Variants in HSF2BP observed in about 807,000 individuals in gnomAD.
HSF2BP encodes the protein heat shock factor 2-binding protein.
A neutral mutation model predicts 35.0 loss-of-function variants in HSF2BP; 35 were observed. That is an observed-to-expected ratio of 1.00 (90% CI 0.76 to 1.32). HSF2BP has a LOEUF of 1.32. Ranked by LOEUF, HSF2BP falls within the 40% of genes most tolerant of loss-of-function variation. HSF2BP has a pLI of 0.00. For missense variants in HSF2BP, 326 were observed against 321.7 expected (o/e 1.01, Z -0.10); for synonymous variants, 114 against 117.4 (o/e 0.97, Z 0.18).
At position 43,644,342 on chromosome 21, in the gene HSF2BP, G is replaced by A; in HGVS notation, c.238C>T (p.His80Tyr). ...ELEQLKMDCE[H>Y]FKARLETVQA... ...ACGGTTTCCAGGCGGGCTTTAAAGTGCTCACAATCCATTTTCAGCTGCTCT... is the reference window on the plus strand; with the variant it reads ...ACGGTTTCCAGGCGGGCTTTAAAGTACTCACAATCCATTTTCAGCTGCTCT... The change falls in exon 4 of 9, where the codon CAC becomes TAC. Residue 80 changes from histidine (H) to tyrosine (Y), a missense_variant. Transcript: ENST00000291560. 6.2e-7 allele frequency: 1 copy of A among 1,614,094 alleles called. No homozygotes were observed. The highest frequency in any genetic ancestry group is 8.5e-7 in the Non-Finnish European group (1 of 1,179,984).
chr21:43,608,786 A>AC (rs1324692780), intron 7 of HSF2BP, among the ~76,000 whole-genome samples: 1 of 151,424 alleles, frequency 6.6e-6, no homozygotes, highest in African/African-American at 2.4e-5. Flanking sequence ...AGAAAGTGAG[A>AC]CCCCTATCGC....
chr21:43,647,312 C>T (rs1601723437), intron 3 of HSF2BP, among the ~76,000 whole-genome samples: 2 of 152,204 alleles, frequency 1.3e-5, no homozygotes, highest in African/African-American at 2.4e-5. Context: ...CTGCAACCAA[C>T]GCCTCCCAGG....
chr21:43,605,572 CA>C (rs1204768627), intron 7 of HSF2BP, among the ~76,000 whole-genome samples: 6 of 149,942 alleles, frequency 4.0e-5, no homozygotes, highest in Non-Finnish European at 7.4e-5. Flanking sequence ...ACACCACAAA[CA>C]TCCCCCAACA....
intron 7 of HSF2BP, among the ~76,000 whole-genome samples, chr21:43,600,590 C>A (rs933604104): frequency 6.6e-6 from 1 of 152,202 alleles, no homozygotes; most frequent in African/African-American, 2.4e-5. Context: ...AATGACTTAA[C>A]AGACTTTAGA....
chr21:43,582,586 T>C (rs2081771436), intron 8 of HSF2BP, among the ~76,000 whole-genome samples: 1 of 56,620 alleles, frequency 1.8e-5, no homozygotes, highest in Non-Finnish European at 3.3e-5. Flanking sequence ...GATGAAGGCC[T>C]GCTGAAGGAG....
chr21:43,596,243 C>A (rs1313139148), intron 7 of HSF2BP, among the ~76,000 whole-genome samples: 1 of 152,038 alleles, frequency 6.6e-6, no homozygotes, highest in Non-Finnish European at 1.5e-5. Context: ...AGTTAAAAAT[C>A]ATTTTTTAAG....
At chr21:43,613,496 T>C (rs1461090640) in intron 7 of HSF2BP, among the ~76,000 whole-genome samples, 1 of 152,214 alleles carries the variant, frequency 6.6e-6, no homozygotes, top group Non-Finnish European at 1.5e-5. Flanking sequence ...ACCAAGTTGG[T>C]GATAATTTGT....
chr21:43,590,775 T>C (rs1174167400), intron 8 of HSF2BP, among the ~76,000 whole-genome samples: 1 of 152,170 alleles, frequency 6.6e-6, no homozygotes, highest in African/African-American at 2.4e-5. Context: ...ATGATTCCAC[T>C]TATATAAAAT....
intron 6 of HSF2BP, among the ~76,000 whole-genome samples, chr21:43,627,394 C>T (rs1489576792): frequency 6.6e-6 from 1 of 152,182 alleles, no homozygotes; most frequent in Non-Finnish European, 1.5e-5. Context: ...GCTAGCCAGA[C>T]AGTAAAATTA....
chr21:43,633,298 C>T lies in HSF2BP; in HGVS notation c.415G>A (p.Glu139Lys). 3 of 1,613,302 alleles carry T rather than the reference C, an allele frequency of 1.9e-6. No homozygotes were observed. The highest frequency in any genetic ancestry group is 2.5e-6 in the Non-Finnish European group (3 of 1,179,816). ...CCTCCCAAAATGGCCTTGACGACTT[C>T]CTCACTGCTGGAGACACCCCACAAG... Reference protein sequence around the residue: ...TLLWGVSSSEEVVKAILGGDK... With the variant: ...TLLWGVSSSEKVVKAILGGDK... The change falls in exon 5 of 9, where the codon GAA becomes AAA. Residue 139 changes from glutamate to lysine, a missense_variant. By Grantham distance (56) the Glu-to-Lys change is moderately conservative (BLOSUM62 1). Coordinates refer to ENST00000291560, the MANE Select transcript of HSF2BP (RefSeq NM_007031.2).
At chr21:43,657,886 C>T (rs1008022081) in intron 2 of HSF2BP, 175 bp downstream of exon 2, 8 of 985,358 alleles carry the variant, frequency 8.1e-6, no homozygotes, top group South Asian at 4.7e-5. Context: ...AGTCGCCTCC[C>T]GCCCCAGGTC....
rs561952915 is a variant in HSF2BP, at chr21:43,645,710, C to T, written c.188-1318G>A. On this transcript the variant is annotated intron_variant, in intron 3 of 8. Transcript: ENST00000291560. Reference sequence around the variant, plus strand: ...CAGGCGCCTGGAAAACGGAACATTACTCCACCCTAGAGGAGAAAAAGCTCA... The same window carrying T: ...CAGGCGCCTGGAAAACGGAACATTATTCCACCCTAGAGGAGAAAAAGCTCA... 3.3e-5 allele frequency among the ~76,000 whole-genome samples: 5 copies of T among 152,256 alleles called. No individual in the cohort carries two copies. In the East Asian group the frequency reaches 9.6e-4, roughly 29 times the overall value.
intron 8 of HSF2BP, among the ~76,000 whole-genome samples, chr21:43,579,741 T>C (rs1330241638): frequency 6.6e-6 from 1 of 152,224 alleles, no homozygotes; most frequent in Non-Finnish European, 1.5e-5. Context: ...TGTTGCCAAA[T>C]GCTTCTCTTC....
intron 6 of HSF2BP, among the ~76,000 whole-genome samples, chr21:43,630,063 G>C (rs74901452): frequency 0.013 from 1,968 of 152,274 alleles, 42 homozygotes; most frequent in African/African-American, 0.044. Context: ...CCCTCTACCA[G>C]CAAAAAATTG....
At position 43,630,441 on chromosome 21, in the gene HSF2BP, T is replaced by C. The variant is rs1319420410; in HGVS notation, c.455A>G (p.Lys152Arg). Residue 152 changes from lysine to arginine, a missense_variant, in exon 6 of 9, where the codon AAG (lysine) becomes AGG (arginine). Physicochemically the swap from Lys to Arg is conservative, Grantham distance 26 (BLOSUM62 2). Transcript: ENST00000291560. ...TGTTTGACCAGTGATGCTGAAAAACTTCAAAGCTTTATCCTGAAAGTTTGA... is the reference window on the plus strand; with the variant it reads ...TGTTTGACCAGTGATGCTGAAAAACCTCAAAGCTTTATCCTGAAAGTTTGA... ...KAILGGDKAL[K>R]FFSITGQTME... is the part of the protein sequence containing the mutation. The C allele has an allele frequency of 8.7e-6, 14 of 1,611,764 alleles. No individual in the cohort carries two copies. The highest frequency in any genetic ancestry group is 8.5e-6 in the Non-Finnish European group (10 of 1,179,328).
At chr21:43,633,165 A>C in intron 5 of HSF2BP, 107 bp downstream of exon 5, 1 of 1,237,302 alleles carries the variant, frequency 8.1e-7, no homozygotes, top group South Asian at 1.7e-5. Flanking sequence ...GAACAAAAGA[A>C]AATGGAAAGA....
intron 7 of HSF2BP, among the ~76,000 whole-genome samples, chr21:43,608,787 C>G (rs1159102172): frequency 6.6e-6 from 1 of 151,862 alleles, no homozygotes; most frequent in Non-Finnish European, 1.5e-5. Context: ...GAAAGTGAGA[C>G]CCCTATCGCT....
chr21:43,657,521 G>T (rs935234154), intron 2 of HSF2BP, among the ~76,000 whole-genome samples: 1 of 152,170 alleles, frequency 6.6e-6, no homozygotes, highest in Non-Finnish European at 1.5e-5. Context: ...TTCACCCCAA[G>T]CCTCCAAGAT....
chr21:43,658,510 A>G (rs1462931118), intron 1 of HSF2BP, among the ~76,000 whole-genome samples, 190 bp from the exon 2 acceptor site: 1 of 152,174 alleles, frequency 6.6e-6, no homozygotes, highest in East Asian at 1.9e-4. Flanking sequence ...TAAGGGTTGA[A>G]TTTTTGTGTC....
Sources: allele counts gnomAD v4.1 joint callset (sites outside exome capture counted in the v4.1 genomes callset), GRCh38; gene constraint gnomAD v4.1.1; transcripts MANE v1.5; gene names NCBI Gene and HGNC (gene_info 2026-07-23, HGNC 2026-07-21).